Variants in NRXN2 observed in about 807,000 individuals in gnomAD.
NRXN2 encodes the protein neurexin 2.
Under a neutral mutation model 128.8 loss-of-function variants are expected in NRXN2, and 29 were observed. That is an observed-to-expected ratio of 0.23 (90% CI 0.17 to 0.31). The LOEUF is 0.31. NRXN2 is among the 10% of genes least tolerant of loss of function. The pLI is 1.00. For synonymous variants in NRXN2, 1,098 were observed against 1,075.2 expected, an observed-to-expected ratio of 1.02 and a Z score of -0.41; for missense variants, 1,881 against 2,452.6, an observed-to-expected ratio of 0.77 and a Z score of 4.92.
intron 1 of NRXN2, among the ~76,000 whole-genome samples, chr11:64,722,157 G>T (rs1015091574): frequency 2.0e-5 from 3 of 151,978 alleles, no homozygotes; most frequent in East Asian, 3.9e-4. Flanking sequence ...CTTTAGGGGT[G>T]GGGGAGCAAG....
rs565514823 is a variant in NRXN2, at chr11:64,694,969, C to T, written c.749-2093G>A. Among the ~76,000 whole-genome samples the T allele has an allele frequency of 9.2e-5, 14 of 152,272 alleles. No individual in the cohort carries two copies. The South Asian group carries it at 2.9e-3, about 32-fold the overall frequency. On this transcript the variant is annotated intron_variant, in intron 3 of 22. Transcript: ENST00000265459. Reference sequence around the variant, plus strand: ...CAGACCCTTCCACTGCCCAGCTCCTCGCCAGCCTCGTTAGCATTCGGCAGT... The same window carrying T: ...CAGACCCTTCCACTGCCCAGCTCCTTGCCAGCCTCGTTAGCATTCGGCAGT...
chr11:64,650,641 GC>G lies in NRXN2; in HGVS notation c.2919-4del. On this transcript the variant is annotated splice_polypyrimidine_tract_variant and splice_region_variant and intron_variant, in intron 14 of 22. Transcript: ENST00000265459. ...GGTCAAACACGTAGTGGATGTACCT[GC>G]CCCACAGTAGGGAGGAGACACTGGG... The G allele has an allele frequency of 1.2e-6, 2 of 1,614,066 alleles. No homozygotes were observed. The highest frequency in any genetic ancestry group is 2.2e-5 in the East Asian group (1 of 44,866).
intron 2 of NRXN2, among the ~76,000 whole-genome samples, chr11:64,699,714 TAGTTTTCTTA>T (rs1444864026): frequency 2.0e-5 from 3 of 152,172 alleles, no homozygotes; most frequent in African/African-American, 7.2e-5. Flanking sequence ...TGCCCAGCAA[TAGTTTTCTTA>T]AGTAAACTGA....
rs879728743 is a variant in NRXN2, at chr11:64,643,556, G to GGAGGGAGAGAGGGAGAGAGGGAGA, written c.3403+4639_3403+4662dup. The GGAGGGAGAGAGGGAGAGAGGGAGA allele has an allele frequency of 1.5e-3, 214 of 144,476 alleles. 1 individual carries two copies. The highest frequency in any genetic ancestry group is 4.9e-3 in the African/African-American group (191 of 38,930). The allele number at this position is 144,476 out of a possible 1,614,324, so 8.9% of individuals were successfully genotyped here. On this transcript the variant is annotated intron_variant, in intron 17 of 22. Coordinates refer to ENST00000265459, the MANE Select transcript of NRXN2 (RefSeq NM_015080.4). ...TGAGAGGGCTGGAAGGGAGAGGGAG[G>GGAGGGAGAGAGGGAGAGAGGGAGA]GAGGGAGAGAGGGAGAGAGGGAGAG...
rs532504526 is a variant in NRXN2, at chr11:64,607,122, C to A, written c.*74G>T. 8.7e-6 allele frequency: 13 copies of A among 1,499,406 alleles called. No individual in the cohort carries two copies. The East Asian group carries it at 3.0e-4, about 35-fold the overall frequency. The allele number at this position is 1,499,406 out of a possible 1,614,324, so 92.9% of individuals were successfully genotyped here. A position where few individuals can be genotyped will look rare whatever the true frequency, so the allele number is the denominator to read the frequency against. On this transcript the variant is annotated 3_prime_UTR_variant, in exon 23 of 23. Transcript: ENST00000265459. Reference sequence around the variant, plus strand: ...AGGGAGAGGGTCCCCAGGCCCCTGGCAGGGAGAGGGTGGCACCCTCCTCCC... The same window carrying A: ...AGGGAGAGGGTCCCCAGGCCCCTGGAAGGGAGAGGGTGGCACCCTCCTCCC...
intron 1 of NRXN2, among the ~76,000 whole-genome samples, chr11:64,722,163 G>A (rs1326254277): frequency 1.3e-5 from 2 of 152,000 alleles, no homozygotes; most frequent in African/African-American, 4.8e-5. Context: ...GGGTGGGGGA[G>A]CAAGCCAAGG....
In NRXN2 at chr11:64,630,100, TC is replaced by T. The variant is rs1273032962; in HGVS notation, c.3757+301del. ...CTCACCTCTACCCTCCCTCCACTTC[TC>T]CCCCCACCCCCAAACTGGACCCTGG... On this transcript the variant is annotated intron_variant, in intron 19 of 22. Transcript: ENST00000265459. This position sits in a 1 kb window ranked among gnomAD's most constrained non-coding sequence, Gnocchi z 4.6. 1.4e-5 allele frequency among the ~76,000 whole-genome samples: 2 copies of T among 147,990 alleles called. No homozygotes were observed. Among genetic ancestry groups the T allele is most frequent in the Non-Finnish European group, 3.0e-5 (2 of 66,982 alleles).
intron 19 of NRXN2, among the ~76,000 whole-genome samples, chr11:64,628,236 G>A (rs1202023413): frequency 2.6e-5 from 4 of 152,214 alleles, no homozygotes; most frequent in African/African-American, 9.7e-5. Context: ...CCTTTCCGAA[G>A]TGGAAACTGA....
intron 11 of NRXN2, chr11:64,656,184 T>G (rs933793292): frequency 6.6e-6 from 1 of 152,174 alleles, no homozygotes; most frequent in Admixed American, 6.5e-5. Flanking sequence ...AGTGGCAGCA[T>G]GCACTCTGTC....
At position 64,648,162 on chromosome 11, in the gene NRXN2, T is replaced by A. The variant is rs2046975198; in HGVS notation, c.3403+57A>T. 1 of 1,612,830 alleles carries A rather than the reference T, an allele frequency of 6.2e-7. No homozygotes were observed. The highest frequency in any genetic ancestry group is 1.3e-5 in the African/African-American group (1 of 74,906). ...CCTGTTTCCTCCCTGGCAGCCCCTA[T>A]GGCTGGGAATGGACCCTGGTCTCCC... On this transcript the variant is annotated intron_variant, in intron 17 of 22. Coordinates refer to ENST00000265459, the MANE Select transcript of NRXN2 (RefSeq NM_015080.4). This position sits in a 1 kb window ranked among gnomAD's most constrained non-coding sequence, Gnocchi z 4.1.
intron 22 of NRXN2, among the ~76,000 whole-genome samples, 161 bp from the exon 23 acceptor site, chr11:64,608,243 CA>C (rs2040027764): frequency 6.6e-6 from 1 of 152,210 alleles, no homozygotes; most frequent in Non-Finnish European, 1.5e-5. Flanking sequence ...GCCGGCCGAG[CA>C]CTGCGCTTTA....
At chr11:64,696,483 A>G (rs1033387404) in intron 3 of NRXN2, among the ~76,000 whole-genome samples, 3 of 151,810 alleles carry the variant, frequency 2.0e-5, no homozygotes, top group Non-Finnish European at 4.4e-5. Context: ...GCAGAGTTGT[A>G]TAAATGTATG....
intron 5 of NRXN2, among the ~76,000 whole-genome samples, chr11:64,689,980 A>C (rs2053586700): frequency 6.6e-6 from 1 of 152,224 alleles, no homozygotes; most frequent in Non-Finnish European, 1.5e-5. Flanking sequence ...GCCCCCAAGC[A>C]GGCTTAAAGG....
At chr11:64,642,132 G>A (rs2045769668) in intron 17 of NRXN2, among the ~76,000 whole-genome samples, 1 of 151,878 alleles carries the variant, frequency 6.6e-6, no homozygotes, top group African/African-American at 2.4e-5. Flanking sequence ...GTGGAGGCAA[G>A]ACAGATGGAG....
At position 64,632,720 on chromosome 11, in the gene NRXN2, TC is replaced by T. The variant is rs2044098100; in HGVS notation, c.3586-2148del. On this transcript the variant is annotated intron_variant, in intron 18 of 22. Coordinates refer to ENST00000265459, the MANE Select transcript of NRXN2 (RefSeq NM_015080.4). The surrounding 1 kb of genome is among the most constrained non-coding windows in gnomAD (Gnocchi z 4.2). ...GGGAGAGGCAGCTCCCCAGAGCCTC[TC>T]CCAGTGTGAAGTCAGTTGTCACTTC... Among the ~76,000 whole-genome samples the T allele has an allele frequency of 6.6e-6, 1 of 152,102 alleles. No homozygotes were observed. Among genetic ancestry groups the T allele is most frequent in the Non-Finnish European group, 1.5e-5 (1 of 67,998 alleles).
At chr11:64,654,426 T>C (rs1280643743) in intron 11 of NRXN2, among the ~76,000 whole-genome samples, 2 of 152,196 alleles carry the variant, frequency 1.3e-5, no homozygotes, top group African/African-American at 4.8e-5. Context: ...AGCCAAGGCC[T>C]CACAGATAGA....
In NRXN2 at chr11:64,651,729, C is replaced by T. The variant is rs1242072916; in HGVS notation, c.2537-93G>A. ...GAGCCTCCCCTCCACAGGAGGGCCA[C>T]CCATGAGTGACATCTTTAGAGATGT... On this transcript the variant is annotated intron_variant, in intron 13 of 22. Transcript: ENST00000265459. The surrounding 1 kb of genome is among the most constrained non-coding windows in gnomAD (Gnocchi z 5.9). 2.9e-6 allele frequency: 4 copies of T among 1,381,786 alleles called. No individual in the cohort carries two copies. Among genetic ancestry groups the T allele is most frequent in the Non-Finnish European group, 4.0e-6 (4 of 988,698 alleles). 85.6% of individuals were successfully genotyped at this position (1,381,786 alleles called of 1,614,324 possible).
At chr11:64,643,011 C>T in intron 17 of NRXN2, 3 of 1,006,866 alleles carry the variant, frequency 3.0e-6, no homozygotes, top group Non-Finnish European at 3.6e-6. Flanking sequence ...GCGGCAACGC[C>T]AAGGTCCAGG....
chr11:64,669,918 G>C (rs2050400706), intron 7 of NRXN2, among the ~76,000 whole-genome samples: 1 of 152,170 alleles, frequency 6.6e-6, no homozygotes, highest in African/African-American at 2.4e-5. Flanking sequence ...ACAGTCTAGA[G>C]ATTGGGGCCT....
Sources: gnomAD v4.1 joint callset for allele counts (sites outside exome capture counted in the v4.1 genomes callset) on GRCh38, gnomAD v4.1.1 for gene constraint, Gnocchi (gnomAD v3.1) non-coding constraint, MANE v1.5 for transcripts, NCBI Gene and HGNC (gene_info 2026-07-23, HGNC 2026-07-21) for gene names.